The following EPHA5 variants were observed in gnomAD, a reference collection of about 807,000 sequenced individuals.
EPHA5 encodes the protein EPH receptor A5, also known as ephrin type-A receptor 5.
A neutral mutation model predicts 105.0 loss-of-function variants in EPHA5; 60 were observed. The ratio of observed to expected loss-of-function variants is 0.57; its 90% CI spans 0.46 to 0.71. The LOEUF (loss-of-function observed/expected upper bound fraction) is 0.71, where lower values mean the gene tolerates loss of function less well. Ranked by LOEUF, EPHA5 falls within the 30% of genes least tolerant of loss-of-function variation. EPHA5 has a pLI of 0.00. For synonymous variants in EPHA5, 513 were observed against 449.1 expected, an observed-to-expected ratio of 1.14 and a Z score of -1.80; for missense variants, 1,218 against 1,274.7, an observed-to-expected ratio of 0.96 and a Z score of 0.68.
At position 65,353,076 on chromosome 4, in the gene EPHA5, T is replaced by TA; in HGVS notation, c.2200dup (p.Tyr734LeufsTer39). 4 of 1,565,338 alleles carry TA rather than the reference T, an allele frequency of 2.6e-6. No homozygotes were observed. Among genetic ancestry groups the TA allele is most frequent in the Non-Finnish European group, 3.5e-6 (4 of 1,157,858 alleles). On this transcript the variant is annotated frameshift_variant, in exon 12 of 17. Transcript: ENST00000613740. LOFTEE classifies it high-confidence loss of function. ...TGTATCTAAAGAGCCATTCTCCATA[T>TA]ACTCTGTCACGATCATCACTGGTTT... is the stretch of plus-strand genomic sequence containing the variant.
rs182425692 is a variant in EPHA5 at position 65,403,704 on chromosome 4, A to G, written c.1793+670T>C. 2.6e-3 allele frequency among the ~76,000 whole-genome samples: 397 copies of G among 152,120 alleles called. 2 individuals carry two copies. Among genetic ancestry groups the G allele is most frequent in the African/African-American group, 9.1e-3 (376 of 41,530 alleles). On this transcript the variant is annotated intron_variant, in intron 8 of 16. Transcript: ENST00000613740. ...ATATCAGAAAGCACCTAGAATAGCT[A>G]TTGTTAAGACTTTATCTCTTTTTGG...
At chr4:65,338,381 A>T (rs1721384454) in intron 14 of EPHA5, among the ~76,000 whole-genome samples, 1 of 152,246 alleles carries the variant, frequency 6.6e-6, no homozygotes, top group African/African-American at 2.4e-5. Context: ...TGAGAATAGT[A>T]ATTCTTATTT....
intron 2 of EPHA5, among the ~76,000 whole-genome samples, chr4:65,619,294 CAG>C (rs1185236014): frequency 8.5e-5 from 13 of 152,170 alleles, no homozygotes; most frequent in African/African-American, 3.1e-4. Flanking sequence ...CTATCTCTAA[CAG>C]ACAATGATTT....
chr4:65,351,045 AT>A (rs1722765523), intron 13 of EPHA5, among the ~76,000 whole-genome samples: 4 of 151,914 alleles, frequency 2.6e-5, no homozygotes, highest in Non-Finnish European at 5.9e-5. Context: ...ATATATATAT[AT>A]ATAACCTTTA....
At chr4:65,548,890 T>C (rs1308744463) in intron 3 of EPHA5, among the ~76,000 whole-genome samples, 2 of 152,244 alleles carry the variant, frequency 1.3e-5, no homozygotes, top group East Asian at 3.9e-4. Context: ...TATGTGGAAA[T>C]TGGGACTTAG....
intron 3 of EPHA5, among the ~76,000 whole-genome samples, chr4:65,554,095 A>G (rs1344219949): frequency 1.3e-5 from 2 of 151,502 alleles, no homozygotes; most frequent in African/African-American, 2.4e-5. Context: ...AAAATGTACT[A>G]TTATTTTCCC....
chr4:65,418,137 T>C (rs1723571194), intron 6 of EPHA5, among the ~76,000 whole-genome samples: 1 of 152,192 alleles, frequency 6.6e-6, no homozygotes, highest in South Asian at 2.1e-4. Flanking sequence ...TTTTGCATTT[T>C]ACCTTCTTTT....
intron 14 of EPHA5, among the ~76,000 whole-genome samples, chr4:65,340,145 TA>T (rs1383066486): frequency 6.6e-6 from 1 of 152,110 alleles, no homozygotes; most frequent in Admixed American, 6.6e-5. Context: ...AGAAATATTC[TA>T]AAAATATGCT....
chr4:65,469,462 T>C (rs1729074773), intron 5 of EPHA5, among the ~76,000 whole-genome samples: 1 of 152,118 alleles, frequency 6.6e-6, no homozygotes, highest in Admixed American at 6.6e-5. Flanking sequence ...ATTGTTTGTA[T>C]TTTAGAAAGT....
chr4:65,623,170 C>T (rs75220551), intron 2 of EPHA5, among the ~76,000 whole-genome samples: 29 of 151,912 alleles, frequency 1.9e-4, no homozygotes, highest in African/African-American at 6.8e-4. Flanking sequence ...TGGGTTAGTA[C>T]ACTATAAATC....
At chr4:65,474,009 G>T (rs975424578) in intron 5 of EPHA5, among the ~76,000 whole-genome samples, 1 of 150,782 alleles carries the variant, frequency 6.6e-6, no homozygotes, top group Admixed American at 6.6e-5. Context: ...ATCACACACC[G>T]GGGCCTGTTG....
chr4:65,378,330 G>A (rs1719210874), intron 8 of EPHA5, among the ~76,000 whole-genome samples: 1 of 151,786 alleles, frequency 6.6e-6, no homozygotes, highest in South Asian at 2.1e-4. Flanking sequence ...TAGAGATATT[G>A]AGAGTCAGAG....
chr4:65,477,314 T>C (rs1421504329), intron 5 of EPHA5, among the ~76,000 whole-genome samples: 2 of 152,194 alleles, frequency 1.3e-5, no homozygotes, highest in African/African-American at 4.8e-5. Context: ...TTCAGAGCAT[T>C]CTGGCTCTAG....
intron 3 of EPHA5, among the ~76,000 whole-genome samples, chr4:65,556,439 G>A (rs1738449677): frequency 1.3e-5 from 2 of 152,052 alleles, no homozygotes; most frequent in South Asian, 4.2e-4. Context: ...ATGAAAATAG[G>A]CATGTAACAA....
Position 65,331,049 on chromosome 4 carries a change from T to C in EPHA5, c.2945+924A>G, listed in dbSNP as rs1277244459. On this transcript the variant is annotated intron_variant, in intron 16 of 16. Transcript: ENST00000613740. Reference sequence around the variant, plus strand: ...AGATGGGTGAGCAAGAACTGCTCAATGTTCATATCATGTGTACAAATAAAA... The same window carrying C: ...AGATGGGTGAGCAAGAACTGCTCAACGTTCATATCATGTGTACAAATAAAA... The C allele has an allele frequency of 8.6e-6, 9 of 1,043,460 alleles. No homozygotes were observed. In the Admixed American group the frequency reaches 2.8e-4, roughly 33 times the overall value. 64.6% of individuals were successfully genotyped at this position (1,043,460 alleles called of 1,614,324 possible). A position where few individuals can be genotyped will look rare whatever the true frequency, so the allele number is the denominator to read the frequency against.
intron 3 of EPHA5, among the ~76,000 whole-genome samples, chr4:65,526,886 A>T (rs977439363): frequency 1.3e-5 from 2 of 152,014 alleles, no homozygotes; most frequent in African/African-American, 2.4e-5. Flanking sequence ...GATCTTAGTG[A>T]TAAATTTCCA....
Position 65,484,134 on chromosome 4 carries a change from A to T in EPHA5, c.1402+6243T>A, listed in dbSNP as rs533145265. Among the ~76,000 whole-genome samples, 60 of 152,262 alleles carry T rather than the reference A, an allele frequency of 3.9e-4. 1 individual carries two copies. In the Middle Eastern group the frequency reaches 0.014, roughly 35 times the overall value. On this transcript the variant is annotated intron_variant, in intron 5 of 16. Coordinates refer to ENST00000613740, the MANE Select transcript of EPHA5 (RefSeq NM_001281766.3). ...TATTATAATAATAGTCTAAAAGGTG[A>T]CCTTTTTTTTCTTTTTAGAAGTTCA...
At chr4:65,416,721 T>C (rs1723420654) in intron 6 of EPHA5, among the ~76,000 whole-genome samples, 1 of 152,178 alleles carries the variant, frequency 6.6e-6, no homozygotes, top group East Asian at 1.9e-4. Flanking sequence ...AGTTGTTCCT[T>C]AGCTAGAGTT....
intron 4 of EPHA5, among the ~76,000 whole-genome samples, chr4:65,492,532 T>A (rs1375800343): frequency 3.3e-5 from 3 of 89,676 alleles, no homozygotes; most frequent in African/African-American, 1.4e-4. Context: ...AAACTTGACA[T>A]CTTTGCAAAA....
Sources: gnomAD v4.1 joint callset for allele counts (sites outside exome capture counted in the v4.1 genomes callset) on GRCh38, gnomAD v4.1.1 for gene constraint, MANE v1.5 for transcripts, NCBI Gene and HGNC (gene_info 2026-07-23, HGNC 2026-07-21) for gene names.